The following CUX1 variants were observed in gnomAD, a reference collection of about 807,000 sequenced individuals.
CUX1 encodes the protein protein CASP.
Under a neutral mutation model 158.8 loss-of-function variants are expected in CUX1, and 31 were observed. The observed-to-expected ratio is 0.20, with a 90% CI of 0.15 to 0.26. The LOEUF (loss-of-function observed/expected upper bound fraction) is 0.26, where lower values mean the gene tolerates loss of function less well. Ranked by LOEUF, CUX1 falls within the 10% of genes least tolerant of loss-of-function variation. CUX1 has a pLI of 1.00. For missense variants in CUX1, 1,589 were observed against 2,014.6 expected, an observed-to-expected ratio of 0.79 and a Z score of 4.04; for synonymous variants, 879 against 862.1, an observed-to-expected ratio of 1.02 and a Z score of -0.34.
At chr7:101,981,160 T>G (rs1813387956) in intron 2 of CUX1, among the ~76,000 whole-genome samples, 1 of 152,030 alleles carries the variant, frequency 6.6e-6, no homozygotes, top group South Asian at 2.1e-4. Flanking sequence ...CCCCCCGTTT[T>G]GTGAATCCTG....
rs1801683879 is a variant in CUX1, at chr7:102,253,030, A to G, written c.*3988A>G. ...CAAAACCTGCTACTTTGTGCAAGTA[A>G]TTGAGGCAAAAGATACCAGTCGACA... On this transcript the variant is annotated 3_prime_UTR_variant, in exon 24 of 24. Transcript: ENST00000292535. 2.0e-6 allele frequency: 2 copies of G among 985,430 alleles called. No individual in the cohort carries two copies. Among genetic ancestry groups the G allele is most frequent in the African/African-American group, 3.5e-5 (2 of 57,358 alleles). The allele number at this position is 985,430 out of a possible 1,614,324, so 61.0% of individuals were successfully genotyped here.
chr7:101,835,168 A>AC (rs1442767992), intron 1 of CUX1, among the ~76,000 whole-genome samples: 1 of 151,364 alleles, frequency 6.6e-6, no homozygotes, highest in East Asian at 1.9e-4. Flanking sequence ...TCCCTCCTGT[A>AC]CCCCCGGCAC....
chr7:102,079,367 G>A (rs1054840537), intron 4 of CUX1, among the ~76,000 whole-genome samples: 36 of 152,040 alleles, frequency 2.4e-4, no homozygotes, highest in African/African-American at 8.0e-4. Context: ...GAACCTGGGA[G>A]GCGGAGGTGG....
At chr7:102,025,370 T>C (rs773572367) in intron 2 of CUX1, among the ~76,000 whole-genome samples, 2 of 152,184 alleles carry the variant, frequency 1.3e-5, no homozygotes, top group Non-Finnish European at 2.9e-5. Flanking sequence ...CTCACGCCTG[T>C]AATCCACAGC....
intron 2 of CUX1, among the ~76,000 whole-genome samples, chr7:101,918,980 T>C (rs1235719011): frequency 6.6e-6 from 1 of 152,184 alleles, no homozygotes; most frequent in Non-Finnish European, 1.5e-5. Context: ...GATTTCACTA[T>C]GTTGGCCAGG....
At position 102,258,233 on chromosome 7, in the gene CUX1, A is replaced by T. The variant is rs1790110611; in HGVS notation, c.*9191A>T. The stretch of plus-strand genomic sequence containing the variant: ...AGTAAATATCTTTTATACAAACACA[A>T]GAATGTGTGGGTTGTTTTTATTTAA... On this transcript the variant is annotated 3_prime_UTR_variant, in exon 24 of 24. Coordinates refer to ENST00000292535, the MANE Select transcript of CUX1 (RefSeq NM_181552.4). The T allele has an allele frequency of 1.0e-6, 1 of 961,916 alleles. No individual in the cohort carries two copies. Among genetic ancestry groups the T allele is most frequent in the Admixed American group, 6.2e-5 (1 of 16,246 alleles). 59.6% of individuals were successfully genotyped at this position (961,916 alleles called of 1,614,324 possible). A position where few individuals can be genotyped will look rare whatever the true frequency, so the allele number is the denominator to read the frequency against.
At chr7:101,852,602 A>C (rs1796382995) in intron 1 of CUX1, among the ~76,000 whole-genome samples, 1 of 151,196 alleles carries the variant, frequency 6.6e-6, no homozygotes, top group African/African-American at 2.4e-5. Context: ...TGGGCGACAG[A>C]GCAAGAACCT....
chr7:101,883,319 A>G (rs995325069), intron 1 of CUX1, among the ~76,000 whole-genome samples: 1 of 152,212 alleles, frequency 6.6e-6, no homozygotes, highest in Non-Finnish European at 1.5e-5. Flanking sequence ...TCTGTTTACA[A>G]TAGAACTATT....
intron 4 of CUX1, among the ~76,000 whole-genome samples, chr7:102,074,405 G>A (rs1826470658): frequency 6.6e-6 from 1 of 152,196 alleles, no homozygotes; most frequent in South Asian, 2.1e-4. Flanking sequence ...CCCAGCCCAG[G>A]AGTGACAGGC....
intron 3 of CUX1, among the ~76,000 whole-genome samples, chr7:102,040,945 G>A (rs1196983469): frequency 6.6e-6 from 1 of 152,112 alleles, no homozygotes; most frequent in Non-Finnish European, 1.5e-5. Context: ...GTTGACTATC[G>A]CTAGCAGAAC....
intron 2 of CUX1, among the ~76,000 whole-genome samples, chr7:101,983,413 G>A (rs1813733763): frequency 6.6e-6 from 1 of 152,098 alleles, no homozygotes; most frequent in Non-Finnish European, 1.5e-5. Flanking sequence ...GCATGAGGTG[G>A]TTCAGTTTTT....
chr7:101,936,928 A>G (rs967186670), intron 2 of CUX1, among the ~76,000 whole-genome samples: 6 of 152,138 alleles, frequency 3.9e-5, no homozygotes, highest in Admixed American at 6.5e-5. Flanking sequence ...GTGTGTGTGT[A>G]TGCTTGTTAA....
intron 1 of CUX1, among the ~76,000 whole-genome samples, chr7:101,853,470 C>T (rs572307681): frequency 2.0e-5 from 3 of 152,232 alleles, no homozygotes; most frequent in Non-Finnish European, 2.9e-5. Flanking sequence ...TTTGTCCTGT[C>T]GCTTTGTCTG....
At chr7:101,860,149 C>T (rs372036521) in intron 1 of CUX1, among the ~76,000 whole-genome samples, 49 of 151,996 alleles carry the variant, frequency 3.2e-4, no homozygotes, top group African/African-American at 1.2e-3. Flanking sequence ...AGAGACTCTC[C>T]TTGAAGGGGA....
In CUX1 at chr7:102,228,936, G is replaced by A. The variant is rs534213794; in HGVS notation, c.3433+1267G>A. ...GGTTCTCACTCTGCTCACTGAGTCC[G>A]TGATGCTGGCCAGGCTGCCTGCATT... On this transcript the variant is annotated intron_variant, in intron 21 of 23. Transcript: ENST00000292535. Among the ~76,000 whole-genome samples, 8 of 152,326 alleles carry A rather than the reference G, an allele frequency of 5.3e-5. No individual in the cohort carries two copies. The East Asian group carries it at 1.2e-3, about 22-fold the overall frequency.
chr7:102,099,105 G>A (rs782796648), intron 5 of CUX1, among the ~76,000 whole-genome samples: 2 of 152,098 alleles, frequency 1.3e-5, no homozygotes, highest in East Asian at 1.9e-4. Context: ...CTGTGAGGGC[G>A]GCGGTGCCTA....
chr7:102,157,182 G>T (rs1789864227), intron 8 of CUX1, among the ~76,000 whole-genome samples: 1 of 152,140 alleles, frequency 6.6e-6, no homozygotes, highest in Non-Finnish European at 1.5e-5. Flanking sequence ...GCATGGAAGG[G>T]CCTTGCGTGT....
chr7:101,934,084 C>T (rs912305805), intron 2 of CUX1, among the ~76,000 whole-genome samples: 2 of 152,188 alleles, frequency 1.3e-5, no homozygotes, highest in Non-Finnish European at 2.9e-5. Context: ...GTTGAAATCC[C>T]TGTGGTTAAT....
chr7:102,132,375 C>T (rs1833389835), intron 8 of CUX1, among the ~76,000 whole-genome samples: 1 of 152,052 alleles, frequency 6.6e-6, no homozygotes, highest in African/African-American at 2.4e-5. Context: ...AGTTTCATTT[C>T]CCAATAGTAA....
Sources: gnomAD v4.1 joint callset for allele counts (sites outside exome capture counted in the v4.1 genomes callset) on GRCh38, gnomAD v4.1.1 for gene constraint, MANE v1.5 for transcripts, NCBI Gene and HGNC (gene_info 2026-07-23, HGNC 2026-07-21) for gene names.